Variants in LRP1 observed in about 807,000 individuals in gnomAD.
LRP1 encodes LDL receptor related protein 1, also known as prolow-density lipoprotein receptor-related protein 1.
LRP1 carries 51 observed loss-of-function variants against 541.5 expected under a neutral mutation model. The ratio of observed to expected loss-of-function variants is 0.09; its 90% CI spans 0.08 to 0.12. The LOEUF (loss-of-function observed/expected upper bound fraction) is 0.12. LRP1 is among the 10% of genes least tolerant of loss of function. The pLI is 1.00. For synonymous variants in LRP1, 2,219 were observed against 2,470.8 expected (o/e 0.90, Z 3.02); for missense variants, 3,878 against 6,376.2 (o/e 0.61, Z 13.34).
intron 10 of LRP1, 98 bp downstream of exon 10, chr12:57,157,018 G>A: frequency 7.2e-7 from 1 of 1,388,816 alleles, no homozygotes; most frequent in Non-Finnish European, 9.6e-7. Flanking sequence ...GACATGCAGG[G>A]AGATGAAGGA....
Position 57,197,452 on chromosome 12 carries a change from TC to T in LRP1, c.9162+72del. The stretch of plus-strand genomic sequence containing the variant: ...CCCAGCACAGCCTCCCTTGCAAGTC[TC>T]CCCGCTTAGGTCCAACCATCCCTCC... On this transcript the variant is annotated intron_variant, in intron 57 of 88. Transcript: ENST00000243077. The surrounding 1 kb of genome is among the most constrained non-coding windows in gnomAD (Gnocchi z 4.5). 6.2e-7 allele frequency: 1 copy of T among 1,610,642 alleles called. No individual in the cohort carries two copies. The highest frequency in any genetic ancestry group is 8.5e-7 in the Non-Finnish European group (1 of 1,177,640).
chr12:57,198,094 A>C, intron 58 of LRP1, 62 bp from the exon 59 acceptor site: 8 of 1,424,036 alleles, frequency 5.6e-6, no homozygotes, highest in Non-Finnish European at 7.8e-6. Flanking sequence ...TGAGCCTCAC[A>C]GAGGCTTGCA....
chr12:57,174,821 G>A (rs1240863348), intron 22 of LRP1, among the ~76,000 whole-genome samples: 3 of 152,168 alleles, frequency 2.0e-5, no homozygotes, highest in South Asian at 2.1e-4. Context: ...AAGAGATGAG[G>A]TTGGGGGAGT....
At position 57,158,497 on chromosome 12, in the gene LRP1, A is replaced by G; in HGVS notation, c.1657A>G (p.Ile553Val). Residue 553 changes from isoleucine (I) to valine (V), a missense_variant, in exon 11 of 89, where the codon ATC becomes GTC. Physicochemically the swap from Ile to Val is conservative, Grantham distance 29. Around this residue, in one of 13 missense-constraint regions of LRP1, gnomAD observed 496 missense variants for 861.0 expected, o/e 0.58. Coordinates refer to ENST00000243077, the MANE Select transcript of LRP1 (RefSeq NM_002332.3). The surrounding 1 kb of genome is among the most constrained non-coding windows in gnomAD (Gnocchi z 5.3). Reference sequence around the variant, plus strand: ...GGCCAAGGTCCCGGATGAGCACATGATCCCCATTGAAAACCTCATGAACCC... The same window carrying G: ...GGCCAAGGTCCCGGATGAGCACATGGTCCCCATTGAAAACCTCATGAACCC... ...MGAKVPDEHM[I>V]PIENLMNPRA... 2 of 1,614,114 alleles carry G rather than the reference A, an allele frequency of 1.2e-6. No homozygotes were observed. The highest frequency in any genetic ancestry group is 8.5e-7 in the Non-Finnish European group (1 of 1,179,986).
In LRP1 at chr12:57,183,985, G is replaced by A; in HGVS notation, c.5929+76G>A. ...GACGAAGTGAGAGGAGGAGTTGGCG[G>A]GAGCAGGAAGAGGAGCTGTAGGGGT... On this transcript the variant is annotated intron_variant, in intron 36 of 88. Coordinates refer to ENST00000243077, the MANE Select transcript of LRP1 (RefSeq NM_002332.3). This position sits in a 1 kb window ranked among gnomAD's most constrained non-coding sequence, Gnocchi z 6.1. 6.2e-7 allele frequency: 1 copy of A among 1,605,770 alleles called. No homozygotes were observed. The highest frequency in any genetic ancestry group is 1.1e-5 in the South Asian group (1 of 90,206).
Position 57,191,019 on chromosome 12 carries a change from CG to C in LRP1, c.7236+14del. The C allele has an allele frequency of 6.2e-7, 1 of 1,606,716 alleles. No individual in the cohort carries two copies. ...CGGCTCCCACCGCTATGTGAGTCTG[CG>C]GGGTGGGTGAGCTGGCGGGCGGCTG... On this transcript the variant is annotated intron_variant, in intron 43 of 88. Transcript: ENST00000243077.
At chr12:57,167,375 T>A in intron 18 of LRP1, 69 bp from the exon 19 acceptor site, 2 of 1,170,130 alleles carry the variant, frequency 1.7e-6, no homozygotes, top group Non-Finnish European at 2.6e-6. Flanking sequence ...GCCGCTGCAC[T>A]CACCTGCCCA....
rs1040064713 is a variant in LRP1 at position 57,167,137 on chromosome 12, C to T, written c.2914+91C>T. ...TTGGGGGTGCCGGAGACACCTGCAACCCAGCACTTGGGTGGCCTTGAGTGA... is the reference window on the plus strand; with the variant it reads ...TTGGGGGTGCCGGAGACACCTGCAATCCAGCACTTGGGTGGCCTTGAGTGA... On this transcript the variant is annotated intron_variant, in intron 18 of 88. Coordinates refer to ENST00000243077, the MANE Select transcript of LRP1 (RefSeq NM_002332.3). 14 of 1,059,134 alleles carry T rather than the reference C, an allele frequency of 1.3e-5. No individual in the cohort carries two copies. The African/African-American group carries it at 1.4e-4, about 11-fold the overall frequency. 65.6% of individuals were successfully genotyped at this position (1,059,134 alleles called of 1,614,324 possible).
chr12:57,130,452 A>T (rs1592595448), intron 1 of LRP1, among the ~76,000 whole-genome samples: 2 of 114,602 alleles, frequency 1.7e-5, no homozygotes, highest in Admixed American at 1.1e-4. Flanking sequence ...GCTGCCCCGG[A>T]GGAGGAGAGG....
chr12:57,204,943 C>A lies in LRP1; in HGVS notation c.11195-166C>A. 7.6e-7 allele frequency: 1 copy of A among 1,317,844 alleles called. No individual in the cohort carries two copies. The highest frequency in any genetic ancestry group is 1.0e-6 in the Non-Finnish European group (1 of 965,738). 81.6% of individuals were successfully genotyped at this position (1,317,844 alleles called of 1,614,324 possible). ...CCCTGGGGAAGGCTCTGGGGGCTGC[C>A]TGATGCCTTAGGTCTTGGAGGTGGG... On this transcript the variant is annotated intron_variant, in intron 72 of 88. Transcript: ENST00000243077. The surrounding 1 kb of genome is among the most constrained non-coding windows in gnomAD (Gnocchi z 5.3).
chr12:57,202,543 T>TGGCG lies in LRP1; in HGVS notation c.10711+6_10711+7insGGCG. 4 of 1,523,616 alleles carry TGGCG rather than the reference T, an allele frequency of 2.6e-6. No homozygotes were observed. The highest frequency in any genetic ancestry group is 2.7e-6 in the Non-Finnish European group (3 of 1,124,794). The allele number at this position is 1,523,616 out of a possible 1,614,324, so 94.4% of individuals were successfully genotyped here. ...CTCCGATGAAGAGAGCTGCAGTACG[T>TGGCG]CCCCACCCACCCAGCCCCGCATGAG... On this transcript the variant is annotated splice_region_variant and intron_variant, in intron 68 of 88. Coordinates refer to ENST00000243077, the MANE Select transcript of LRP1 (RefSeq NM_002332.3).
At chr12:57,146,439 G>A (rs1315083349) in intron 6 of LRP1, 1 of 152,330 alleles carries the variant, frequency 6.6e-6, no homozygotes, top group East Asian at 1.9e-4. Context: ...GAAAGCCAGT[G>A]GTAAAGGACA....
chr12:57,182,250 C>G (rs563632586), intron 34 of LRP1, among the ~76,000 whole-genome samples: 1 of 152,288 alleles, frequency 6.6e-6, no homozygotes, highest in South Asian at 2.1e-4. Context: ...GTGGCTCAAG[C>G]CTGTAATCCC....
In LRP1 at chr12:57,162,210, G is replaced by A. The variant is rs773835515; in HGVS notation, c.2203-107G>A. 8.1e-5 allele frequency: 83 copies of A among 1,026,868 alleles called. No individual in the cohort carries two copies. Among genetic ancestry groups the A allele is most frequent in the Non-Finnish European group, 1.0e-4 (69 of 660,488 alleles). The allele number at this position is 1,026,868 out of a possible 1,614,324, so 63.6% of individuals were successfully genotyped here. ...CTCCCAGGCTAATGGGGGAAACAAAGCAAAACCCATGCCCAGGACATAGAC... is the reference window on the plus strand; with the variant it reads ...CTCCCAGGCTAATGGGGGAAACAAAACAAAACCCATGCCCAGGACATAGAC... On this transcript the variant is annotated intron_variant, in intron 13 of 88. Coordinates refer to ENST00000243077, the MANE Select transcript of LRP1 (RefSeq NM_002332.3). This position sits in a 1 kb window ranked among gnomAD's most constrained non-coding sequence, Gnocchi z 5.2.
At chr12:57,160,118 A>G in intron 12 of LRP1, 113 bp downstream of exon 12, 1 of 1,029,708 alleles carries the variant, frequency 9.7e-7, no homozygotes. Context: ...GGGATACTTT[A>G]GCAGGAATGA....
intron 6 of LRP1, among the ~76,000 whole-genome samples, chr12:57,152,837 C>T (rs1174552530): frequency 6.6e-6 from 1 of 152,342 alleles, no homozygotes; most frequent in East Asian, 1.9e-4. Flanking sequence ...TGTCCTGTGA[C>T]TCTGAGTCAG....
rs756350894 is a variant in LRP1, at chr12:57,165,923, T to C, written c.2649T>C (p.Ser883=). The change falls in exon 16 of 89, where the codon AGT becomes AGC. Residue 883 remains serine, a synonymous_variant. Transcript: ENST00000243077. This position sits in a 1 kb window ranked among gnomAD's most constrained non-coding sequence, Gnocchi z 4.5. ...GAGACAACGATTGCCTGGACAACAG[T>C]GATGAGGCCCCAGCCCTCTGCCGTG... ...CDGDNDCLDN[S]DEAPALCHQH... is the part of the protein sequence containing the mutation. 14 of 1,613,974 alleles carry C rather than the reference T, an allele frequency of 8.7e-6. No individual in the cohort carries two copies. The highest frequency in any genetic ancestry group is 4.0e-5 in the African/African-American group (3 of 74,896).
Position 57,210,016 on chromosome 12 carries a change from C to T in LRP1, c.12440-13C>T. 2 of 1,597,124 alleles carry T rather than the reference C, an allele frequency of 1.3e-6. No homozygotes were observed. Among genetic ancestry groups the T allele is most frequent in the South Asian group, 1.1e-5 (1 of 88,356 alleles). On this transcript the variant is annotated splice_polypyrimidine_tract_variant and intron_variant, in intron 80 of 88. Coordinates refer to ENST00000243077, the MANE Select transcript of LRP1 (RefSeq NM_002332.3). Reference sequence around the variant, plus strand: ...CCTGCTCAGCATCCTCCCCACCCCACCCATACCTGCAGTGACCAACCCATG... The same window carrying T: ...CCTGCTCAGCATCCTCCCCACCCCATCCATACCTGCAGTGACCAACCCATG...
chr12:57,207,943 C>G (rs2036820933), intron 76 of LRP1, 95 bp from the exon 77 acceptor site: 5 of 1,397,374 alleles, frequency 3.6e-6, no homozygotes, highest in Non-Finnish European at 4.0e-6. Flanking sequence ...GGCTGTGAGC[C>G]TGGGGTGACG....
Sources: gnomAD v4.1 joint callset for allele counts (sites outside exome capture counted in the v4.1 genomes callset) on GRCh38, gnomAD v4.1.1 for gene constraint, gnomAD v4.1.1 regional missense constraint, Gnocchi (gnomAD v3.1) non-coding constraint, MANE v1.5 for transcripts, NCBI Gene and HGNC (gene_info 2026-07-23, HGNC 2026-07-21) for gene names.